The following GPATCH2 variants were observed in gnomAD, a reference collection of about 807,000 sequenced individuals.
GPATCH2 encodes G-patch domain containing 2.
Under a neutral mutation model 58.0 loss-of-function variants are expected in GPATCH2, and 51 were observed. That is an observed-to-expected ratio of 0.88 (90% CI 0.70 to 1.11). The LOEUF (loss-of-function observed/expected upper bound fraction) is 1.11, where lower values mean the gene tolerates loss of function less well. GPATCH2 is among the 50% of genes most tolerant of loss of function. The pLI, the probability that GPATCH2 is intolerant of heterozygous loss-of-function variation, is 0.00. For synonymous variants in GPATCH2, 222 were observed against 218.5 expected (o/e 1.02, Z -0.14); for missense variants, 625 against 652.2 (o/e 0.96, Z 0.45).
chr1:217,447,180 T>C (rs1571714101), intron 9 of GPATCH2, among the ~76,000 whole-genome samples: 1 of 152,224 alleles, frequency 6.6e-6, no homozygotes, highest in Non-Finnish European at 1.5e-5. Context: ...CATGTTCCTG[T>C]ATGAAGAGAT....
At chr1:217,600,177 T>G (rs144987531) in intron 5 of GPATCH2, among the ~76,000 whole-genome samples, 2 of 152,194 alleles carry the variant, frequency 1.3e-5, no homozygotes, top group East Asian at 3.9e-4. Flanking sequence ...GGAAAAAAAA[T>G]AATCAAATTG....
intron 5 of GPATCH2, among the ~76,000 whole-genome samples, chr1:217,551,051 T>A (rs1309081487): frequency 6.6e-6 from 1 of 151,562 alleles, no homozygotes; most frequent in Non-Finnish European, 1.5e-5. Context: ...TTTGAAATAA[T>A]ATTTTAATCA....
chr1:217,555,987 A>T (rs1047415530), intron 5 of GPATCH2, among the ~76,000 whole-genome samples: 3 of 152,168 alleles, frequency 2.0e-5, no homozygotes, highest in Non-Finnish European at 4.4e-5. Context: ...TCAACTTATA[A>T]ATCATTTGAA....
chr1:217,598,633 T>A (rs1432979545), intron 5 of GPATCH2, among the ~76,000 whole-genome samples: 1 of 151,684 alleles, frequency 6.6e-6, no homozygotes, highest in Non-Finnish European at 1.5e-5. Context: ...ACCCGGCTAA[T>A]TTTTTGTATT....
At chr1:217,470,700 T>C (rs2102501410) in intron 8 of GPATCH2, among the ~76,000 whole-genome samples, 1 of 152,308 alleles carries the variant, frequency 6.6e-6, no homozygotes, top group South Asian at 2.1e-4. Flanking sequence ...AATTTGGTTA[T>C]ATAGAGTAAA....
chr1:217,575,002 T>C (rs1666741449), intron 5 of GPATCH2, among the ~76,000 whole-genome samples: 1 of 152,206 alleles, frequency 6.6e-6, no homozygotes, highest in Non-Finnish European at 1.5e-5. Flanking sequence ...AATGTGGCAC[T>C]TATATGATTT....
intron 2 of GPATCH2, among the ~76,000 whole-genome samples, chr1:217,618,855 C>G (rs533799275): frequency 1.3e-5 from 2 of 151,894 alleles, no homozygotes; most frequent in South Asian, 4.2e-4. Context: ...CCCAGCTACT[C>G]CGGAGGCTGA....
At chr1:217,528,575 T>G (rs1664036318) in intron 5 of GPATCH2, among the ~76,000 whole-genome samples, 2 of 152,236 alleles carry the variant, frequency 1.3e-5, no homozygotes, top group South Asian at 4.2e-4. Flanking sequence ...TCCATGCCTC[T>G]TGCATAAAGT....
intron 5 of GPATCH2, among the ~76,000 whole-genome samples, chr1:217,524,533 G>A (rs912413816): frequency 2.6e-5 from 4 of 151,766 alleles, no homozygotes; most frequent in Admixed American, 6.6e-5. Flanking sequence ...ATGTTGTAGC[G>A]AGCTGAGATC....
At chr1:217,571,374 A>G (rs1420116173) in intron 5 of GPATCH2, among the ~76,000 whole-genome samples, 1 of 152,160 alleles carries the variant, frequency 6.6e-6, no homozygotes, top group Non-Finnish European at 1.5e-5. Flanking sequence ...ATGTGATATA[A>G]TAAGACCCTC....
intron 5 of GPATCH2, among the ~76,000 whole-genome samples, chr1:217,558,458 C>G (rs1371219447): frequency 6.6e-6 from 1 of 152,164 alleles, no homozygotes; most frequent in South Asian, 2.1e-4. Context: ...AAGTGTCTCA[C>G]AAAGCCTTTA....
At chr1:217,460,067 C>A (rs1159186199) in intron 8 of GPATCH2, among the ~76,000 whole-genome samples, 2 of 152,126 alleles carry the variant, frequency 1.3e-5, no homozygotes, top group Non-Finnish European at 2.9e-5. Context: ...AATTTATTAT[C>A]TGAACTACTA....
chr1:217,531,071 A>T lies in GPATCH2; in HGVS notation c.1099-16182T>A, dbSNP rs563348137. On this transcript the variant is annotated intron_variant, in intron 5 of 9. Transcript: ENST00000366935. ...CACACACACACACACACACACACAC[A>T]CTTTATTTAATTTTATACAAAATAA... is the stretch of plus-strand genomic sequence containing the variant. Among the ~76,000 whole-genome samples the T allele has an allele frequency of 5.1e-4, 49 of 95,880 alleles. No homozygotes were observed. The East Asian group carries it at 0.026, about 51-fold the overall frequency. 62.9% of individuals were successfully genotyped at this position (95,880 alleles called of 152,430 possible).
chr1:217,595,720 G>A (rs970844876), intron 5 of GPATCH2, among the ~76,000 whole-genome samples: 1 of 151,880 alleles, frequency 6.6e-6, no homozygotes, highest in Non-Finnish European at 1.5e-5. Flanking sequence ...GGCTGGTCTC[G>A]AACTCCTGAC....
chr1:217,603,270 T>C (rs528598028), intron 5 of GPATCH2, among the ~76,000 whole-genome samples: 6 of 150,338 alleles, frequency 4.0e-5, no homozygotes, highest in Admixed American at 6.6e-5. Flanking sequence ...TTTAAATATA[T>C]GGAAAAATAT....
At chr1:217,624,725 T>C (rs1669369154) in intron 1 of GPATCH2, among the ~76,000 whole-genome samples, 1 of 152,254 alleles carries the variant, frequency 6.6e-6, no homozygotes, top group South Asian at 2.1e-4. Context: ...CTGTACTTAC[T>C]GAACAACCAG....
chr1:217,431,761 A>G (rs1658545321), intron 9 of GPATCH2, among the ~76,000 whole-genome samples: 1 of 152,220 alleles, frequency 6.6e-6, no homozygotes, highest in South Asian at 2.1e-4. Flanking sequence ...TGTTAGCCTT[A>G]TGGATTATTC....
At chr1:217,608,030 T>C (rs1274641965) in intron 5 of GPATCH2, among the ~76,000 whole-genome samples, 2 of 152,188 alleles carry the variant, frequency 1.3e-5, no homozygotes, top group African/African-American at 4.8e-5. Context: ...TTACCAGATG[T>C]CATGGATACT....
rs1658530061 is a variant in GPATCH2 at position 217,431,433 on chromosome 1, A to G, written c.1367-68T>C. 1.7e-5 allele frequency: 16 copies of G among 939,256 alleles called. No homozygotes were observed. The South Asian group carries it at 2.1e-4, about 12-fold the overall frequency. 58.2% of individuals were successfully genotyped at this position (939,256 alleles called of 1,614,324 possible). ...CAGGTGAAGATATTAGGCTATGAAA[A>G]CGATGTTCTCCTAAGTTTTGTTTTG... On this transcript the variant is annotated intron_variant, in intron 9 of 9. Transcript: ENST00000366935.
Sources: gnomAD v4.1 joint callset for allele counts (sites outside exome capture counted in the v4.1 genomes callset) on GRCh38, gnomAD v4.1.1 for gene constraint, MANE v1.5 for transcripts, NCBI Gene and HGNC (gene_info 2026-07-23, HGNC 2026-07-21) for gene names.